Variants in ZKSCAN5 observed in about 807,000 individuals in gnomAD.
The protein encoded by ZKSCAN5 is zinc finger protein with KRAB and SCAN domains 5.
In ZKSCAN5, 28 loss-of-function variants were observed where a neutral mutation model predicts 60.0. That is an observed-to-expected ratio of 0.47 (90% CI 0.35 to 0.64). ZKSCAN5 has a LOEUF of 0.64. ZKSCAN5 is among the 30% of genes least tolerant of loss of function. The probability of loss-of-function intolerance (pLI) is 0.01; values close to 1 mark genes in which losing one functional copy is unlikely to be tolerated. For synonymous variants in ZKSCAN5, 361 were observed against 371.2 expected (o/e 0.97, Z 0.31); for missense variants, 881 against 1,034.6 (o/e 0.85, Z 2.04).
At chr7:99,522,716 A>T (rs1322508937) in intron 5 of ZKSCAN5, among the ~76,000 whole-genome samples, 1 of 151,454 alleles carries the variant, frequency 6.6e-6, no homozygotes, top group African/African-American at 2.4e-5. Context: ...CAAACTCCTG[A>T]CCTCAGGTGA....
rs771374570 is a variant in ZKSCAN5, at chr7:99,532,205, A to T, written c.2476A>T (p.Thr826Ser). 6.2e-7 allele frequency: 1 copy of T among 1,609,004 alleles called. No individual in the cohort carries two copies. The highest frequency in any genetic ancestry group is 8.5e-7 in the Non-Finnish European group (1 of 1,178,530). Residue 826 changes from threonine (T) to serine (S), a missense_variant, in exon 7 of 7, where the codon ACA (threonine) becomes TCA (serine). This residue lies in a region of ZKSCAN5 where 138 missense variants were observed against 143.8 expected (regional missense o/e 0.96). Transcript: ENST00000326775. ...TAAACACCTGAGAAGCCATGAGAGG[A>T]CAGATCCCATAAATACCTTAAGTGT... ...LFKHLRSHERTDPINTLSVEG... is the reference protein window; with the variant it reads ...LFKHLRSHERSDPINTLSVEG...
At position 99,533,360 on chromosome 7, in the gene ZKSCAN5, T is replaced by G; in HGVS notation, c.*1111T>G. The G allele has an allele frequency of 1.7e-6, 1 of 600,138 alleles. No homozygotes were observed. The highest frequency in any genetic ancestry group is 1.8e-5 in the African/African-American group (1 of 54,948). 37.2% of individuals were successfully genotyped at this position (600,138 alleles called of 1,614,324 possible). On this transcript the variant is annotated 3_prime_UTR_variant, in exon 7 of 7. Coordinates refer to ENST00000326775, the MANE Select transcript of ZKSCAN5 (RefSeq NM_145102.4). ...TGTGTGAGAGAGTTCTGAGCCTGTT[T>G]GCTAGGGAGAGTGAGTGAGTGCTCT...
chr7:99,511,846 G>C (rs1260545354), intron 2 of ZKSCAN5, among the ~76,000 whole-genome samples: 1 of 151,800 alleles, frequency 6.6e-6, no homozygotes, highest in Admixed American at 6.6e-5. Context: ...CTAGAGTGCA[G>C]TGGCGCAATC....
intron 2 of ZKSCAN5, among the ~76,000 whole-genome samples, chr7:99,506,970 A>T (rs1800766362): frequency 6.6e-6 from 1 of 150,534 alleles, no homozygotes; most frequent in African/African-American, 2.5e-5. Context: ...TGCTGGGATT[A>T]CAGGCGTGAG....
intron 1 of ZKSCAN5, chr7:99,505,781 T>C (rs1800693394): frequency 2.8e-6 from 1 of 351,154 alleles, no homozygotes; most frequent in Non-Finnish European, 5.4e-6. Flanking sequence ...TTTACACTTT[T>C]AAAATGTTGG....
At chr7:99,511,539 C>T (rs1717052432) in intron 2 of ZKSCAN5, among the ~76,000 whole-genome samples, 1 of 151,770 alleles carries the variant, frequency 6.6e-6, no homozygotes, top group South Asian at 2.1e-4. Context: ...ACCTCCTGGG[C>T]TCAAGCGATC....
chr7:99,522,623 A>G (rs1441806488), intron 5 of ZKSCAN5, among the ~76,000 whole-genome samples: 3 of 151,322 alleles, frequency 2.0e-5, no homozygotes, highest in Admixed American at 6.6e-5. Flanking sequence ...TAATTTTGGG[A>G]TTACAGGCAC....
At position 99,533,871 on chromosome 7, in the gene ZKSCAN5, A is replaced by G. The variant is rs1802156285; in HGVS notation, c.*1622A>G. On this transcript the variant is annotated 3_prime_UTR_variant, in exon 7 of 7. Coordinates refer to ENST00000326775, the MANE Select transcript of ZKSCAN5 (RefSeq NM_145102.4). ...GGCTCTGCTTTAGAGAACCTGATCT[A>G]AGACATTTGGTGCCACAAGTGGTCA... 1 of 356,512 alleles carries G rather than the reference A, an allele frequency of 2.8e-6. No homozygotes were observed. Among genetic ancestry groups the G allele is most frequent in the African/African-American group, 2.1e-5 (1 of 47,710 alleles). 22.1% of individuals were successfully genotyped at this position (356,512 alleles called of 1,614,324 possible).
chr7:99,532,190 A>G lies in ZKSCAN5; in HGVS notation c.2461A>G (p.Arg821Gly). 2 of 1,612,578 alleles carry G rather than the reference A, an allele frequency of 1.2e-6. No homozygotes were observed. Among genetic ancestry groups the G allele is most frequent in the Non-Finnish European group, 1.7e-6 (2 of 1,179,646 alleles). Reference protein sequence around the residue: ...SWSCSLFKHLRSHERTDPINT... With the variant: ...SWSCSLFKHLGSHERTDPINT... The stretch of plus-strand genomic sequence containing the variant: ...GAGTTGTAGCCTCTTTAAACACCTG[A>G]GAAGCCATGAGAGGACAGATCCCAT... Residue 821 changes from arginine to glycine, a missense_variant, in exon 7 of 7, where the codon AGA becomes GGA. By Grantham distance (125) the Arg-to-Gly change is moderately radical (BLOSUM62 -2). Around this residue, in one of 5 missense-constraint regions of ZKSCAN5, gnomAD observed 138 missense variants for 143.8 expected, o/e 0.96. Coordinates refer to ENST00000326775, the MANE Select transcript of ZKSCAN5 (RefSeq NM_145102.4).
In ZKSCAN5 at chr7:99,504,706, C is replaced by T. The variant is rs1371689450; in HGVS notation, c.-68C>T. 6.6e-6 allele frequency: 1 copy of T among 152,348 alleles called. No individual in the cohort carries two copies. The highest frequency in any genetic ancestry group is 1.5e-5 in the Non-Finnish European group (1 of 68,120). The allele number at this position is 152,348 out of a possible 1,614,324, so 9.4% of individuals were successfully genotyped here. On this transcript the variant is annotated 5_prime_UTR_variant, in exon 1 of 7. Transcript: ENST00000326775. ...CGGGTGTGACGTTGAAGATGTCGGCCTTCTGAGCCGACTGCGGTGGTCAAG... is the reference window on the plus strand; with the variant it reads ...CGGGTGTGACGTTGAAGATGTCGGCTTTCTGAGCCGACTGCGGTGGTCAAG...
At chr7:99,518,177 C>G (rs1356414867) in intron 3 of ZKSCAN5, among the ~76,000 whole-genome samples, 1 of 152,078 alleles carries the variant, frequency 6.6e-6, no homozygotes, top group Non-Finnish European at 1.5e-5. Flanking sequence ...ACCTGTAATC[C>G]CAGCACTTTG....
At chr7:99,528,311 G>C (rs1801894526) in intron 6 of ZKSCAN5, among the ~76,000 whole-genome samples, 2 of 151,988 alleles carry the variant, frequency 1.3e-5, no homozygotes, top group Non-Finnish European at 2.9e-5. Flanking sequence ...CTTTGGACTT[G>C]AAAAAGCAAT....
intron 3 of ZKSCAN5, 103 bp from the exon 4 acceptor site, chr7:99,519,724 C>T (rs991492456): frequency 1.8e-5 from 20 of 1,134,252 alleles, no homozygotes; most frequent in Middle Eastern, 2.0e-4. Flanking sequence ...TTGGCCTCGG[C>T]GCAGTAGGGG....
chr7:99,525,821 T>A lies in ZKSCAN5; in HGVS notation c.781T>A (p.Ser261Thr). ...YGSITSMGYE[S>T]RDNMELIVKQ... is the part of the protein sequence containing the mutation. Reference sequence around the variant, plus strand: ...TCCCTCTGTTATTTCAGGTTATGAGTCCAGGGACAATATGGAGCTCATAGT... The same window carrying A: ...TCCCTCTGTTATTTCAGGTTATGAGACCAGGGACAATATGGAGCTCATAGT... Residue 261 changes from serine (S) to threonine (T), a missense_variant, in exon 6 of 7, where the codon TCC becomes ACC. By Grantham distance (58) the Ser-to-Thr change is moderately conservative. Transcript: ENST00000326775. The A allele has an allele frequency of 6.2e-7, 1 of 1,608,474 alleles. No homozygotes were observed. The highest frequency in any genetic ancestry group is 8.5e-7 in the Non-Finnish European group (1 of 1,175,714).
intron 1 of ZKSCAN5, 45 bp from the exon 2 acceptor site, chr7:99,505,951 CTACTGAAAG>C: frequency 3.2e-5 from 46 of 1,447,170 alleles, no homozygotes; most frequent in Non-Finnish European, 4.2e-5. Flanking sequence ...AGGTTGCATG[CTACTGAAAG>C]TGTCCTTCAG....
chr7:99,512,572 T>C lies in ZKSCAN5; in HGVS notation c.534T>C (p.Pro178=). 6.2e-7 allele frequency: 1 copy of C among 1,614,102 alleles called. No individual in the cohort carries two copies. The highest frequency in any genetic ancestry group is 8.5e-7 in the Non-Finnish European group (1 of 1,179,978). ...AGCCTGAGCAAGCGCCACAGAAGCCTCGTCTCCTGGAGGAAAATGGTGAGG... is the reference window on the plus strand; with the variant it reads ...AGCCTGAGCAAGCGCCACAGAAGCCCCGTCTCCTGGAGGAAAATGGTGAGG... ...DTQPEQAPQK[P]RLLEENALPV... Residue 178 remains proline, a synonymous_variant, in exon 3 of 7, where the codon CCT becomes CCC. Transcript: ENST00000326775.
At chr7:99,523,656 T>C (rs368875045) in intron 5 of ZKSCAN5, among the ~76,000 whole-genome samples, 2 of 151,646 alleles carry the variant, frequency 1.3e-5, no homozygotes, top group South Asian at 2.1e-4. Context: ...CCAGTAGATA[T>C]GAATAAAAGA....
At chr7:99,508,208 A>G (rs1387997130) in intron 2 of ZKSCAN5, among the ~76,000 whole-genome samples, 1 of 151,544 alleles carries the variant, frequency 6.6e-6, no homozygotes, top group African/African-American at 2.4e-5. Flanking sequence ...CTGAGGCAGG[A>G]GAATCGCTTG....
At position 99,532,159 on chromosome 7, in the gene ZKSCAN5, C is replaced by T. The variant is rs1476995634; in HGVS notation, c.2430C>T (p.Phe810=). The T allele has an allele frequency of 1.2e-6, 2 of 1,613,724 alleles. No individual in the cohort carries two copies. The highest frequency in any genetic ancestry group is 1.7e-6 in the Non-Finnish European group (2 of 1,180,020). The change falls in exon 7 of 7, where the codon TTC becomes TTT. Residue 810 remains phenylalanine, a synonymous_variant. Transcript: ENST00000326775. ...AATGTAAAGAATGTGGAATGAATTT[C>T]AGCTGGAGTTGTAGCCTCTTTAAAC... ...PFQCKECGMN[F]SWSCSLFKHL...
Sources: gnomAD v4.1 joint callset for allele counts (sites outside exome capture counted in the v4.1 genomes callset) on GRCh38, gnomAD v4.1.1 for gene constraint, gnomAD v4.1.1 regional missense constraint, MANE v1.5 for transcripts, NCBI Gene and HGNC (gene_info 2026-07-23, HGNC 2026-07-21) for gene names.